MRPS15: variants seen among roughly 807,000 people sequenced by gnomAD.
The protein encoded by MRPS15 is small ribosomal subunit protein uS15m.
A neutral mutation model predicts 30.7 loss-of-function variants in MRPS15; 25 were observed. The observed-to-expected ratio is 0.81, with a 90% CI of 0.59 to 1.14. The LOEUF (loss-of-function observed/expected upper bound fraction) is 1.14. Among genes scored for constraint, MRPS15 ranks in the 50% most tolerant of loss-of-function variants. MRPS15 has a pLI of 0.00. For synonymous variants in MRPS15, 124 were observed against 120.1 expected (o/e 1.03, Z -0.21); for missense variants, 313 against 321.7 (o/e 0.97, Z 0.21).
intron 6 of MRPS15, 39 bp downstream of exon 6, chr1:36,457,884 G>A: frequency 1.9e-6 from 3 of 1,601,114 alleles, no homozygotes; most frequent in Non-Finnish European, 2.6e-6. Flanking sequence ...TTTCCCCCAG[G>A]CTGCTGCTGT....
intron 4 of MRPS15, 96 bp from the exon 5 acceptor site, chr1:36,460,872 C>A: frequency 9.9e-7 from 1 of 1,011,846 alleles, no homozygotes. Context: ...GTTATAGCAA[C>A]TAGGGCCATA....
chr1:36,463,881 C>T (rs757979708), intron 1 of MRPS15, 31 bp from the exon 2 acceptor site: 1 of 1,601,142 alleles, frequency 6.2e-7, no homozygotes, highest in Non-Finnish European at 8.5e-7. Flanking sequence ...TGAGGACCAT[C>T]TCCTTAAATA....
intron 2 of MRPS15, among the ~76,000 whole-genome samples, chr1:36,463,196 A>G (rs1650131892): frequency 6.6e-6 from 1 of 152,060 alleles, no homozygotes; most frequent in South Asian, 2.1e-4. Flanking sequence ...CGAACTCCTG[A>G]ACTCAAGTGA....
rs1459713007 is a variant in MRPS15 at position 36,458,741 on chromosome 1, G to T, written c.386-760C>A. Reference sequence around the variant, plus strand: ...CCTTTATCTCCATGCTTTGACTAATGAATTTTCAGAATTATCAGCTCCCAC... The same window carrying T: ...CCTTTATCTCCATGCTTTGACTAATTAATTTTCAGAATTATCAGCTCCCAC... On this transcript the variant is annotated intron_variant, in intron 5 of 7. Coordinates refer to ENST00000373116, the MANE Select transcript of MRPS15 (RefSeq NM_031280.4). The surrounding 1 kb of genome is among the most constrained non-coding windows in gnomAD (Gnocchi z 4.5). 3.3e-5 allele frequency: 5 copies of T among 152,202 alleles called. No homozygotes were observed. Among genetic ancestry groups the T allele is most frequent in the African/African-American group, 4.8e-5 (2 of 41,424 alleles). The allele number at this position is 152,202 out of a possible 1,614,324, so 9.4% of individuals were successfully genotyped here.
Position 36,457,998 on chromosome 1 carries a change from C to T in MRPS15, c.386-17G>A. The T allele has an allele frequency of 1.9e-6, 3 of 1,613,732 alleles. No homozygotes were observed. The highest frequency in any genetic ancestry group is 1.1e-5 in the South Asian group (1 of 91,082). On this transcript the variant is annotated splice_polypyrimidine_tract_variant and intron_variant, in intron 5 of 7. Transcript: ENST00000373116. ...AGGCAATAACTGAAACCACAAACCA[C>T]AGAGGATGAGAGTTGGGCACAGAGG...
chr1:36,463,642 G>C (rs898754908), intron 2 of MRPS15, among the ~76,000 whole-genome samples, 164 bp downstream of exon 2: 2 of 152,150 alleles, frequency 1.3e-5, no homozygotes, highest in East Asian at 3.9e-4. Flanking sequence ...CCCCATACAG[G>C]CTGCAGGCCT....
chr1:36,456,959 C>T (rs759989487), intron 6 of MRPS15, among the ~76,000 whole-genome samples: 4 of 152,180 alleles, frequency 2.6e-5, no homozygotes, highest in Admixed American at 6.5e-5. Flanking sequence ...CTGTGCCAGA[C>T]ACTGTGCTGA....
rs1193383672 is a variant in MRPS15, at chr1:36,457,975, G to T, written c.392C>A (p.Ala131Asp). The T allele has an allele frequency of 4.3e-6, 7 of 1,614,040 alleles. No individual in the cohort carries two copies. Among genetic ancestry groups the T allele is most frequent in the Non-Finnish European group, 5.9e-6 (7 of 1,180,004 alleles). The stretch of plus-strand genomic sequence containing the variant: ...ATAACTGCGGATCTTGACAGACAAG[G>T]CAATAACTGAAACCACAAACCACAG... ...DTRSLEARII[A>D]LSVKIRSYEE... Residue 131 changes from alanine to aspartate, a missense_variant, in exon 6 of 8, where the codon GCC becomes GAC. Transcript: ENST00000373116.
intron 1 of MRPS15, 143 bp downstream of exon 1, chr1:36,464,003 C>T: frequency 6.6e-7 from 1 of 1,504,422 alleles, no homozygotes; most frequent in Admixed American, 2.0e-5. Context: ...TCTCTCACAT[C>T]TTGTTTCACC....
intron 3 of MRPS15, 130 bp downstream of exon 3, chr1:36,461,958 T>A: frequency 2.5e-5 from 18 of 708,002 alleles, no homozygotes; most frequent in East Asian, 3.0e-5. Flanking sequence ...CCTGGACACC[T>A]GGGCCCCTGC....
chr1:36,464,272 G>A lies in MRPS15; in HGVS notation c.4C>T (p.Leu2=). The A allele has an allele frequency of 1.2e-6, 2 of 1,613,578 alleles. No individual in the cohort carries two copies. The highest frequency in any genetic ancestry group is 1.7e-6 in the Non-Finnish European group (2 of 1,179,736). ...CTCAGCGTCCTCCACGCGACCCTCA[G>A]CATGGTGACCTCTAACCCCCGCGGG... M[L]RVAWRTLSLI... The change falls in exon 1 of 8, where the codon CTG becomes TTG. Residue 2 remains leucine, a synonymous_variant. Transcript: ENST00000373116.
Position 36,455,877 on chromosome 1 carries a change from C to A in MRPS15, c.685G>T (p.Ala229Ser), listed in dbSNP as rs773008760. 1.1e-5 allele frequency: 17 copies of A among 1,613,974 alleles called. No homozygotes were observed. Among genetic ancestry groups the A allele is most frequent in the Admixed American group, 6.7e-5 (4 of 59,974 alleles). ...KLKKRRRALK[A>S]AAAAQKQAKR... is the part of the protein sequence containing the mutation. The stretch of plus-strand genomic sequence containing the variant: ...GCTTGTTTTTGGGCTGCTGCTGCAG[C>A]CTTTAAGGCTCTTCTTCGCTTCTTC... The change falls in exon 8 of 8, where the codon GCT becomes TCT. Residue 229 changes from alanine to serine, a missense_variant. Physicochemically the swap from Ala to Ser is moderately conservative, Grantham distance 99. Coordinates refer to ENST00000373116, the MANE Select transcript of MRPS15 (RefSeq NM_031280.4).
rs1218036676 is a variant in MRPS15 at position 36,464,340 on chromosome 1, T to A, written c.-65A>T. 22 of 1,562,438 alleles carry A rather than the reference T, an allele frequency of 1.4e-5. No individual in the cohort carries two copies. In the Admixed American group the frequency reaches 2.6e-4, roughly 18 times the overall value. On this transcript the variant is annotated 5_prime_UTR_variant, in exon 1 of 8. The change abolishes the stop of an existing upstream ORF in the 5' untranslated region. Coordinates refer to ENST00000373116, the MANE Select transcript of MRPS15 (RefSeq NM_031280.4). Reference sequence around the variant, plus strand: ...CGTTCGCTTTGCGGCACGGACCGGGTTACATGGGCGCCGCCATGCTGGCCC... The same window carrying A: ...CGTTCGCTTTGCGGCACGGACCGGGATACATGGGCGCCGCCATGCTGGCCC...
rs1477065296 is a variant in MRPS15, at chr1:36,456,193, G to A, written c.630C>T (p.Cys210=). Residue 210 remains cysteine (C), a synonymous_variant, in exon 7 of 8, where the codon TGC becomes TGT. Coordinates refer to ENST00000373116, the MANE Select transcript of MRPS15 (RefSeq NM_031280.4). ...HRRFVTKKAL[C]IRVFQETQKL... Reference sequence around the variant, plus strand: ...CCGCAATTCTGACTCGTACCCGAATGCACAGAGCCTTCTTGGTCACGAATC... The same window carrying A: ...CCGCAATTCTGACTCGTACCCGAATACACAGAGCCTTCTTGGTCACGAATC... 4 of 1,608,382 alleles carry A rather than the reference G, an allele frequency of 2.5e-6. No homozygotes were observed. In the Admixed American group the frequency reaches 5.0e-5, roughly 20 times the overall value.
intron 4 of MRPS15, 99 bp downstream of exon 4, chr1:36,461,165 G>A: frequency 1.8e-6 from 2 of 1,134,442 alleles, no homozygotes; most frequent in Admixed American, 1.7e-5. Context: ...GCTAAGTGCT[G>A]TGACTGGAGA....
Position 36,455,826 on chromosome 1 carries a change from C to A in MRPS15, c.736G>T (p.Ala246Ser). ...QAKRRNPDSP[A>S]KAIPKTLKDS... ...TTGAGTGTCTTTGGTATGGCTTTGGCAGGGCTGTCTGGGTTCCTCCGCTTT... is the reference window on the plus strand; with the variant it reads ...TTGAGTGTCTTTGGTATGGCTTTGGAAGGGCTGTCTGGGTTCCTCCGCTTT... The change falls in exon 8 of 8, where the codon GCC becomes TCC. Residue 246 changes from alanine (A) to serine (S), a missense_variant. Coordinates refer to ENST00000373116, the MANE Select transcript of MRPS15 (RefSeq NM_031280.4). 1 of 1,614,158 alleles carries A rather than the reference C, an allele frequency of 6.2e-7. No homozygotes were observed. Among genetic ancestry groups the A allele is most frequent in the Non-Finnish European group, 8.5e-7 (1 of 1,180,036 alleles).
chr1:36,462,028 C>T, intron 3 of MRPS15, 60 bp downstream of exon 3: 1 of 1,434,468 alleles, frequency 7.0e-7, no homozygotes. Flanking sequence ...TGTCTTTCCC[C>T]ACTCCCCGAC....
At chr1:36,461,450 C>A in intron 3 of MRPS15, 138 bp from the exon 4 acceptor site, 2 of 805,392 alleles carry the variant, frequency 2.5e-6, no homozygotes, top group Admixed American at 2.2e-5. Flanking sequence ...AGGTGGGGAG[C>A]CATTTCCCAG....
chr1:36,456,283 C>T lies in MRPS15; in HGVS notation c.540G>A (p.Lys180=). The part of the protein sequence containing the change: ...LRNTNYDVFE[K]ICWGLGIEYT... ...ACTCAATTCCCAGCCCCCAGCATAT[C>T]TTCTCAAAGACATCATAGTTGGTGT... The change falls in exon 7 of 8, where the codon AAG becomes AAA. Residue 180 remains lysine, a synonymous_variant. Coordinates refer to ENST00000373116, the MANE Select transcript of MRPS15 (RefSeq NM_031280.4). 6.2e-7 allele frequency: 1 copy of T among 1,614,208 alleles called. No homozygotes were observed.
Sources: gnomAD v4.1 joint callset for allele counts (sites outside exome capture counted in the v4.1 genomes callset) on GRCh38, gnomAD v4.1.1 for gene constraint, Gnocchi (gnomAD v3.1) non-coding constraint, MANE v1.5 for transcripts, NCBI Gene and HGNC (gene_info 2026-07-23, HGNC 2026-07-21) for gene names.